The following NTM variants were observed in gnomAD, a reference collection of about 807,000 sequenced individuals.
NTM encodes the protein neurotrimin.
In NTM, 13 loss-of-function variants were observed where a neutral mutation model predicts 42.1. The ratio of observed to expected loss-of-function variants is 0.31; its 90% CI spans 0.20 to 0.49. NTM has a LOEUF of 0.49. NTM is among the 20% of genes least tolerant of loss of function. NTM has a pLI of 0.99. For synonymous variants in NTM, 187 were observed against 179.2 expected, an observed-to-expected ratio of 1.04 and a Z score of -0.35; for missense variants, 373 against 452.8, an observed-to-expected ratio of 0.82 and a Z score of 1.60.
intron 1 of NTM, among the ~76,000 whole-genome samples, chr11:131,554,426 T>C (rs2055113472): frequency 6.6e-6 from 1 of 152,138 alleles, no homozygotes; most frequent in Admixed American, 6.5e-5. Context: ...CATGAGACTT[T>C]TGGCAGGAAA....
intron 2 of NTM, among the ~76,000 whole-genome samples, chr11:132,060,873 A>G (rs982571183): frequency 3.9e-5 from 6 of 152,152 alleles, no homozygotes; most frequent in Admixed American, 6.5e-5. Flanking sequence ...AATGATTGTG[A>G]TTTTTATTGG....
intron 1 of NTM, chr11:131,794,905 G>C: frequency 1.0e-6 from 1 of 985,270 alleles, no homozygotes; most frequent in Non-Finnish European, 1.2e-6. Flanking sequence ...TCACTGCAGG[G>C]AGTGTTGGGT....
chr11:132,017,689 C>T (rs1473889057), intron 2 of NTM, among the ~76,000 whole-genome samples: 2 of 151,902 alleles, frequency 1.3e-5, no homozygotes, highest in African/African-American at 4.8e-5. Context: ...TTGTATCAGC[C>T]TGCTGAGATT....
chr11:131,696,119 A>G (rs555586460), intron 1 of NTM, among the ~76,000 whole-genome samples: 1 of 152,330 alleles, frequency 6.6e-6, no homozygotes, highest in South Asian at 2.1e-4. Context: ...CAGGGGAAGG[A>G]GGGCGAATTG....
intron 1 of NTM, among the ~76,000 whole-genome samples, chr11:131,751,568 C>CAAA (rs1447115792): frequency 3.8e-4 from 50 of 131,406 alleles, no homozygotes; most frequent in African/African-American, 1.4e-3. Context: ...CTGGCCTGGG[C>CAAA]AAAAGAGCAA....
At chr11:132,230,331 G>A (rs112014784) in intron 4 of NTM, among the ~76,000 whole-genome samples, 6 of 152,354 alleles carry the variant, frequency 3.9e-5, no homozygotes, top group African/African-American at 1.2e-4. Context: ...GCACTGTGAA[G>A]TAGGTAATAA....
intron 1 of NTM, among the ~76,000 whole-genome samples, chr11:131,491,533 C>T (rs6590580): frequency 0.76 from 115,613 of 151,950 alleles, 44,475 homozygotes; most frequent in African/African-American, 0.87. Context: ...CTCAAAATGG[C>T]ATAATATTCA....
intron 2 of NTM, among the ~76,000 whole-genome samples, chr11:132,127,695 G>T (rs543524063): frequency 6.6e-6 from 1 of 152,156 alleles, no homozygotes; most frequent in Non-Finnish European, 1.5e-5. Flanking sequence ...GCGGCATTCC[G>T]GCGGATTACA....
chr11:132,128,665 A>G (rs113242851), intron 2 of NTM, among the ~76,000 whole-genome samples: 7,286 of 152,186 alleles, frequency 0.048, 270 homozygotes, highest in African/African-American at 0.097. Flanking sequence ...CTGTAATCCC[A>G]GCACTTTGGG....
intron 2 of NTM, among the ~76,000 whole-genome samples, chr11:132,049,269 A>T (rs1452404091): frequency 6.6e-6 from 1 of 152,002 alleles, no homozygotes; most frequent in African/African-American, 2.4e-5. Context: ...GGAGGAAGAC[A>T]CCCCCAGGCG....
At chr11:131,409,260 G>A (rs1946120621) in intron 1 of NTM, among the ~76,000 whole-genome samples, 1 of 152,178 alleles carries the variant, frequency 6.6e-6, no homozygotes, top group African/African-American at 2.4e-5. Context: ...GAAGCAGGAG[G>A]GTGTATAATG....
intron 1 of NTM, among the ~76,000 whole-genome samples, chr11:131,435,424 A>G (rs2135940298): frequency 6.6e-6 from 1 of 152,324 alleles, no homozygotes; most frequent in South Asian, 2.1e-4. Context: ...ATCCATGAGC[A>G]TGGAATGTTC....
At chr11:131,539,919 ACT>A (rs1802470579) in intron 1 of NTM, among the ~76,000 whole-genome samples, 2 of 152,012 alleles carry the variant, frequency 1.3e-5, no homozygotes, top group East Asian at 1.9e-4. Context: ...TGTGCCCAAG[ACT>A]CTTCCAGTTT....
chr11:131,923,416 G>C (rs1301011961), intron 2 of NTM, among the ~76,000 whole-genome samples: 3 of 152,166 alleles, frequency 2.0e-5, no homozygotes, highest in Admixed American at 6.5e-5. Context: ...GGAAACTCAG[G>C]TCTGTCTCTG....
intron 1 of NTM, among the ~76,000 whole-genome samples, chr11:131,548,313 GA>G (rs2054204989): frequency 6.6e-6 from 1 of 151,804 alleles, no homozygotes; most frequent in African/African-American, 2.4e-5. Context: ...TCTTATCCAG[GA>G]AAAAAACATC....
At chr11:132,133,949 C>T (rs575503716) in intron 2 of NTM, among the ~76,000 whole-genome samples, 205 of 152,342 alleles carry the variant, frequency 1.3e-3, no homozygotes, top group Non-Finnish European at 2.4e-3. Flanking sequence ...TCTCTCTCTG[C>T]TCTCATCAGA....
At chr11:131,965,195 A>G (rs1160529993) in intron 2 of NTM, among the ~76,000 whole-genome samples, 1 of 152,172 alleles carries the variant, frequency 6.6e-6, no homozygotes, top group Admixed American at 6.5e-5. Context: ...AAAGAGTATC[A>G]GGAGGAACAT....
At chr11:132,276,077 T>C (rs543873194) in intron 4 of NTM, among the ~76,000 whole-genome samples, 1 of 152,168 alleles carries the variant, frequency 6.6e-6, no homozygotes, top group East Asian at 1.9e-4. Flanking sequence ...ATTCTACATA[T>C]ATGTGAGATC....
intron 1 of NTM, among the ~76,000 whole-genome samples, chr11:131,612,715 T>G (rs1011679522): frequency 1.3e-5 from 2 of 152,238 alleles, no homozygotes; most frequent in Non-Finnish European, 2.9e-5. Context: ...GTGGAAGGCT[T>G]CTGTGGTTAA....
Sources: gnomAD v4.1 joint callset for allele counts (sites outside exome capture counted in the v4.1 genomes callset) on GRCh38, gnomAD v4.1.1 for gene constraint, MANE v1.5 for transcripts, NCBI Gene and HGNC (gene_info 2026-07-23, HGNC 2026-07-21) for gene names.